The following NID1 variants were observed in gnomAD, a reference collection of about 807,000 sequenced individuals.
NID1 encodes the protein nidogen-1.
NID1 carries 76 observed loss-of-function variants against 130.6 expected under a neutral mutation model. The ratio of observed to expected loss-of-function variants is 0.58; its 90% CI spans 0.48 to 0.70. The LOEUF (loss-of-function observed/expected upper bound fraction) is 0.70, where lower values mean the gene tolerates loss of function less well. NID1 is among the 30% of genes least tolerant of loss of function. The pLI is 0.00. For missense variants in NID1, 1,517 were observed against 1,664.8 expected (o/e 0.91, Z 1.54); for synonymous variants, 665 against 675.1 (o/e 0.98, Z 0.23).
intron 13 of NID1, 53 bp downstream of exon 13, chr1:235,993,592 T>TC: frequency 1.4e-6 from 2 of 1,424,600 alleles, no homozygotes; most frequent in Non-Finnish European, 1.9e-6. Flanking sequence ...GCAATTCCGG[T>TC]CCCCCGAGGT....
intron 4 of NID1, among the ~76,000 whole-genome samples, chr1:236,038,974 TG>T (rs1659357465): frequency 1.2e-5 from 1 of 81,284 alleles, no homozygotes; most frequent in East Asian, 4.2e-4. Context: ...TAACTATATA[TG>T]TAAATATGTA....
chr1:235,984,363 A>G (rs527696140), intron 15 of NID1, among the ~76,000 whole-genome samples: 1 of 152,232 alleles, frequency 6.6e-6, no homozygotes, highest in Non-Finnish European at 1.5e-5. Context: ...ATTCAACCTC[A>G]GCTTCATTCC....
chr1:236,062,940 G>A (rs995419625), intron 1 of NID1, among the ~76,000 whole-genome samples: 1 of 151,632 alleles, frequency 6.6e-6, no homozygotes, highest in Non-Finnish European at 1.5e-5. Context: ...TGAATCACGA[G>A]GTCAGGAGTT....
chr1:236,006,842 G>A (rs571066084), intron 12 of NID1, among the ~76,000 whole-genome samples: 73 of 152,008 alleles, frequency 4.8e-4, no homozygotes, highest in Non-Finnish European at 4.4e-4. Flanking sequence ...CATATTGCTT[G>A]CATCTATGTT....
At position 236,026,305 on chromosome 1, in the gene NID1, T is replaced by C. The variant is rs141497917; in HGVS notation, c.1739-164A>G. On this transcript the variant is annotated intron_variant, in intron 7 of 19. Transcript: ENST00000264187. ...AGAACAGCTTAAATAAGACCATTTG[T>C]TTGTATTGAGACTCATTCTATGAAA... 3.9e-5 allele frequency among the ~76,000 whole-genome samples: 6 copies of C among 152,288 alleles called. No individual in the cohort carries two copies. In the East Asian group the frequency reaches 1.2e-3, roughly 29 times the overall value.
chr1:236,064,968 C>G lies in NID1; in HGVS notation c.112G>C (p.Gly38Arg). ...AGCTCCAGGTCCCCCTGTCCGGGGCCGAAGGGAAAGAGCTCCTGGCGGCTC... is the reference window on the plus strand; with the variant it reads ...AGCTCCAGGTCCCCCTGTCCGGGGCGGAAGGGAAAGAGCTCCTGGCGGCTC... ...CLSRQELFPF[G>R]PGQGDLELED... The change falls in exon 1 of 20, where the codon GGC (glycine) becomes CGC (arginine). Residue 38 changes from glycine (G) to arginine (R), a missense_variant. Around this residue, in one of 3 missense-constraint regions of NID1, gnomAD observed 1,329 missense variants for 1,429.2 expected, o/e 0.93. Coordinates refer to ENST00000264187, the MANE Select transcript of NID1 (RefSeq NM_002508.3). 1 of 1,592,632 alleles carries G rather than the reference C, an allele frequency of 6.3e-7. No homozygotes were observed. Among genetic ancestry groups the G allele is most frequent in the Non-Finnish European group, 8.5e-7 (1 of 1,170,330 alleles).
chr1:236,034,347 A>T (rs1041880872), intron 5 of NID1, among the ~76,000 whole-genome samples: 1 of 149,472 alleles, frequency 6.7e-6, no homozygotes, highest in South Asian at 2.1e-4. Flanking sequence ...GCTTGAACAC[A>T]GGAGGCAGAG....
intron 1 of NID1, among the ~76,000 whole-genome samples, chr1:236,062,768 T>C (rs77022313): frequency 0.037 from 5,604 of 152,238 alleles, 322 homozygotes; most frequent in African/African-American, 0.13. Context: ...TTGCTGCATG[T>C]GTCTCAGAAT....
At chr1:235,996,088 AG>A (rs1407370489) in intron 12 of NID1, among the ~76,000 whole-genome samples, 1 of 152,196 alleles carries the variant, frequency 6.6e-6, no homozygotes, top group Non-Finnish European at 1.5e-5. Context: ...CAGGAGTTTG[AG>A]GCTGCAGTGA....
At position 236,001,225 on chromosome 1, in the gene NID1, T is replaced by C. The variant is rs186401603; in HGVS notation, c.2528-7353A>G. 3.3e-5 allele frequency among the ~76,000 whole-genome samples: 5 copies of C among 151,742 alleles called. No homozygotes were observed. The East Asian group carries it at 9.7e-4, about 29-fold the overall frequency. ...GGTTCAAGCGATTCTCCTGCCTCAG[T>C]CTCCCAAGTAGCTGGGATTACAGGC... is the stretch of plus-strand genomic sequence containing the variant. On this transcript the variant is annotated intron_variant, in intron 12 of 19. Coordinates refer to ENST00000264187, the MANE Select transcript of NID1 (RefSeq NM_002508.3).
intron 6 of NID1, 90 bp downstream of exon 6, chr1:236,032,311 C>G: frequency 6.7e-7 from 1 of 1,495,174 alleles, no homozygotes; most frequent in Non-Finnish European, 9.1e-7. Flanking sequence ...AAGTTGTCTG[C>G]AGACTCAGAG....
chr1:235,977,978 G>A lies in NID1; in HGVS notation c.3633C>T (p.Tyr1211=). 1 of 1,614,108 alleles carries A rather than the reference G, an allele frequency of 6.2e-7. No individual in the cohort carries two copies. The highest frequency in any genetic ancestry group is 1.1e-5 in the South Asian group (1 of 91,080). Reference sequence around the variant, plus strand: ...TGCAGCCGCCATTGTTCACTGAGCAGTAGTTATGGCCTGGAAAAGGCAGAA... The same window carrying A: ...TGCAGCCGCCATTGTTCACTGAGCAATAGTTATGGCCTGGAAAAGGCAGAA... ...ALSQCPQGHN[Y]CSVNNGGCTH... Residue 1211 remains tyrosine (Y), a synonymous_variant, in exon 20 of 20, where the codon TAC becomes TAT. Transcript: ENST00000264187.
At chr1:235,981,556 C>T in intron 16 of NID1, 55 bp downstream of exon 16, 1 of 1,552,444 alleles carries the variant, frequency 6.4e-7, no homozygotes, top group Admixed American at 1.8e-5. Flanking sequence ...CTGAGAATCT[C>T]TAAAAGGGCA....
At chr1:236,038,702 T>TAA (rs1659336440) in intron 4 of NID1, among the ~76,000 whole-genome samples, 12 of 132,068 alleles carry the variant, frequency 9.1e-5, no homozygotes, top group African/African-American at 3.3e-4. Context: ...TCATATATAA[T>TAA]ATATATTACC....
At chr1:236,039,284 AT>A (rs1470491973) in intron 4 of NID1, among the ~76,000 whole-genome samples, 1 of 150,532 alleles carries the variant, frequency 6.6e-6, no homozygotes, top group Non-Finnish European at 1.5e-5. Context: ...AAAATTTGCC[AT>A]TTTAACAACC....
intron 7 of NID1, among the ~76,000 whole-genome samples, chr1:236,027,434 C>T (rs1012820089): frequency 1.3e-5 from 2 of 152,172 alleles, no homozygotes; most frequent in African/African-American, 4.8e-5. Flanking sequence ...TTGCTCTTTC[C>T]TCCTCTTCTT....
chr1:236,015,974 G>A (rs2102819119), intron 10 of NID1, among the ~76,000 whole-genome samples: 1 of 152,234 alleles, frequency 6.6e-6, no homozygotes, highest in South Asian at 2.1e-4. Flanking sequence ...AGGTGTCCCA[G>A]GATGGATCTC....
chr1:236,064,809 C>G, intron 1 of NID1, 46 bp downstream of exon 1: 1 of 1,552,544 alleles, frequency 6.4e-7, no homozygotes, highest in Non-Finnish European at 8.8e-7. Flanking sequence ...GCCCCCGGCC[C>G]GCCGCGCCCT....
chr1:236,046,278 C>T (rs1047480585), intron 2 of NID1, among the ~76,000 whole-genome samples: 5 of 152,096 alleles, frequency 3.3e-5, no homozygotes, highest in African/African-American at 1.2e-4. Context: ...CATGAGGTCA[C>T]GTATGAAAGA....
Sources: allele counts gnomAD v4.1 joint callset (sites outside exome capture counted in the v4.1 genomes callset), GRCh38; gene constraint gnomAD v4.1.1; regional missense constraint gnomAD v4.1.1; transcripts MANE v1.5; gene names NCBI Gene and HGNC (gene_info 2026-07-23, HGNC 2026-07-21).